Variants in ATG4C observed in about 807,000 individuals in gnomAD.
ATG4C encodes autophagy related 4C cysteine peptidase.
ATG4C carries 56 observed loss-of-function variants against 57.6 expected under a neutral mutation model. The observed-to-expected ratio is 0.97, with a 90% confidence interval of 0.78 to 1.21. The LOEUF is 1.21. Among genes scored for constraint, ATG4C ranks in the 50% most tolerant of loss-of-function variants. The probability of loss-of-function intolerance (pLI) is 0.00; values close to 1 mark genes in which losing one functional copy is unlikely to be tolerated. For missense variants in ATG4C, 595 were observed against 529.8 expected (o/e 1.12, Z -1.21); for synonymous variants, 157 against 174.1 (o/e 0.90, Z 0.78).
At chr1:62,851,178 T>C (rs1221704733) in intron 10 of ATG4C, among the ~76,000 whole-genome samples, 1 of 152,074 alleles carries the variant, frequency 6.6e-6, no homozygotes, top group South Asian at 2.1e-4. Context: ...ACTTCTTCTA[T>C]TTTCCTTAAA....
chr1:62,792,953 G>C (rs945922629), intron 1 of ATG4C, among the ~76,000 whole-genome samples: 3 of 150,572 alleles, frequency 2.0e-5, no homozygotes, highest in Admixed American at 6.6e-5. Context: ...GTGGCGCGAT[G>C]TCGGCTCACT....
At position 62,864,362 on chromosome 1, in the gene ATG4C, T is replaced by G; in HGVS notation, c.*203T>G. ...GAATCTTGCTTTCTAATAAATAAAT[T>G]GAGTGATTCTGGTTGCATTCCTATT... On this transcript the variant is annotated 3_prime_UTR_variant, in exon 11 of 11. Transcript: ENST00000317868. 2.4e-6 allele frequency: 1 copy of G among 421,256 alleles called. No individual in the cohort carries two copies. The highest frequency in any genetic ancestry group is 4.2e-6 in the Non-Finnish European group (1 of 239,350). The allele number at this position is 421,256 out of a possible 1,614,324, so 26.1% of individuals were successfully genotyped here.
At chr1:62,863,896 C>G in intron 10 of ATG4C, 96 bp from the exon 11 acceptor site, 1 of 842,520 alleles carries the variant, frequency 1.2e-6, no homozygotes, top group Non-Finnish European at 1.8e-6. Flanking sequence ...AAGAAGCTAA[C>G]AGGAGAGGTT....
chr1:62,806,148 G>A (rs1664872484), intron 3 of ATG4C, among the ~76,000 whole-genome samples: 1 of 152,128 alleles, frequency 6.6e-6, no homozygotes, highest in Non-Finnish European at 1.5e-5. Context: ...TAACTGTTGA[G>A]TCCTTACAAC....
intron 1 of ATG4C, among the ~76,000 whole-genome samples, chr1:62,803,318 A>G (rs17316337): frequency 0.089 from 13,613 of 152,244 alleles, 778 homozygotes; most frequent in Non-Finnish European, 0.12. Context: ...AAGATTTTTT[A>G]TAAGATTTCA....
intron 2 of ATG4C, 21 bp downstream of exon 2, chr1:62,803,883 A>T (rs1192390723): frequency 1.4e-6 from 2 of 1,420,404 alleles, no homozygotes; most frequent in Non-Finnish European, 1.9e-6. Context: ...TGTTTTAAAA[A>T]TTGTATAAAT....
At chr1:62,823,028 T>C (rs1357094881) in intron 6 of ATG4C, among the ~76,000 whole-genome samples, 2 of 152,044 alleles carry the variant, frequency 1.3e-5, no homozygotes, top group Non-Finnish European at 2.9e-5. Context: ...GGTGGTGACA[T>C]GCCTGTAGTC....
chr1:62,847,281 C>T lies in ATG4C; in HGVS notation c.1209+5734C>T, dbSNP rs201588582. ...CTGACATATCCTAAAGCATCTGGAACGGTGCTCAGCTCATAGTAAGTGTTC... is the reference window on the plus strand; with the variant it reads ...CTGACATATCCTAAAGCATCTGGAATGGTGCTCAGCTCATAGTAAGTGTTC... On this transcript the variant is annotated intron_variant, in intron 10 of 10. Coordinates refer to ENST00000317868, the MANE Select transcript of ATG4C (RefSeq NM_032852.4). Among the ~76,000 whole-genome samples, 18 of 152,266 alleles carry T rather than the reference C, an allele frequency of 1.2e-4. No individual in the cohort carries two copies. The South Asian group carries it at 3.1e-3, about 26-fold the overall frequency.
At chr1:62,809,952 A>G (rs1219575784) in intron 3 of ATG4C, among the ~76,000 whole-genome samples, 1 of 152,100 alleles carries the variant, frequency 6.6e-6, no homozygotes, top group African/African-American at 2.4e-5. Context: ...AGGAACTGAA[A>G]CACTGTTGGT....
chr1:62,844,199 C>T (rs1244974130), intron 10 of ATG4C, among the ~76,000 whole-genome samples: 5 of 152,136 alleles, frequency 3.3e-5, no homozygotes. Context: ...CTGGGAGTCT[C>T]CATTTCTGGC....
intron 1 of ATG4C, among the ~76,000 whole-genome samples, chr1:62,802,432 T>C (rs1170189572): frequency 1.3e-5 from 2 of 149,452 alleles, no homozygotes; most frequent in African/African-American, 4.9e-5. Context: ...GGATTAACGA[T>C]CCTCAACTAG....
Position 62,834,812 on chromosome 1 carries a change from A to C in ATG4C, c.1049A>C (p.Gln350Pro). Residue 350 changes from glutamine to proline, a missense_variant, in exon 9 of 11, where the codon CAA becomes CCA. Coordinates refer to ENST00000317868, the MANE Select transcript of ATG4C (RefSeq NM_032852.4). ...ATTTACATGGATCCTCATTACTGCC[A>C]ATCTTTTGTAGATGTCAGCATAAAG... ...SLIYMDPHYC[Q>P]SFVDVSIKDF... 3 of 1,612,368 alleles carry C rather than the reference A, an allele frequency of 1.9e-6. No individual in the cohort carries two copies. Among genetic ancestry groups the C allele is most frequent in the Non-Finnish European group, 2.5e-6 (3 of 1,178,852 alleles).
At chr1:62,842,549 G>T (rs1379224605) in intron 10 of ATG4C, among the ~76,000 whole-genome samples, 1 of 151,856 alleles carries the variant, frequency 6.6e-6, no homozygotes, top group Admixed American at 6.6e-5. Context: ...TTCTTCACTG[G>T]AACTTATATA....
intron 6 of ATG4C, among the ~76,000 whole-genome samples, chr1:62,823,882 T>C (rs146325266): frequency 4.5e-4 from 68 of 152,316 alleles, no homozygotes; most frequent in Non-Finnish European, 8.7e-4. Flanking sequence ...GTTATACCTT[T>C]GGCAGTCTTT....
rs1313376007 is a variant in ATG4C, at chr1:62,865,402, A to C, written c.*1243A>C. 1 of 151,936 alleles carries C rather than the reference A, an allele frequency of 6.6e-6. No individual in the cohort carries two copies. The highest frequency in any genetic ancestry group is 1.5e-5 in the Non-Finnish European group (1 of 67,846). The allele number at this position is 151,936 out of a possible 1,614,324, so 9.4% of individuals were successfully genotyped here. A position where few individuals can be genotyped will look rare whatever the true frequency, so the allele number is the denominator to read the frequency against. ...CCTGTTTGTTTAGAGTTGCATGTAA[A>C]GCTGAAAGAGAGGGTGGGCGGATTG... On this transcript the variant is annotated 3_prime_UTR_variant, in exon 11 of 11. Transcript: ENST00000317868.
At chr1:62,843,905 GGAAA>G (rs1405912034) in intron 10 of ATG4C, among the ~76,000 whole-genome samples, 11 of 152,108 alleles carry the variant, frequency 7.2e-5, no homozygotes, top group African/African-American at 2.4e-4. Context: ...AATTGATAGA[GGAAA>G]GAAGAGGGTT....
intron 6 of ATG4C, 112 bp downstream of exon 6, chr1:62,821,321 A>G: frequency 5.0e-6 from 3 of 597,126 alleles, no homozygotes; most frequent in Non-Finnish European, 7.9e-6. Context: ...ACCATGTCTT[A>G]TACATTTTTG....
chr1:62,841,499 C>T lies in ATG4C; in HGVS notation c.1161C>T (p.Tyr387=). The part of the protein sequence containing the change: ...KMDPSCTIGF[Y]CRNVQDFKRA... Reference sequence around the variant, plus strand: ...ATCCCAGCTGTACAATAGGATTTTACTGTCGAAATGTTCAGGACTTCAAAC... The same window carrying T: ...ATCCCAGCTGTACAATAGGATTTTATTGTCGAAATGTTCAGGACTTCAAAC... Residue 387 remains tyrosine (Y), a synonymous_variant, in exon 10 of 11, where the codon TAC becomes TAT. Coordinates refer to ENST00000317868, the MANE Select transcript of ATG4C (RefSeq NM_032852.4). 16 of 1,606,876 alleles carry T rather than the reference C, an allele frequency of 1.0e-5. 1 individual carries two copies. The highest frequency in any genetic ancestry group is 1.7e-5 in the Admixed American group (1 of 59,684).
intron 10 of ATG4C, among the ~76,000 whole-genome samples, chr1:62,850,901 T>TATATAC (rs1553230197): frequency 3.9e-5 from 2 of 51,580 alleles, no homozygotes; most frequent in African/African-American, 1.9e-4. Context: ...TATATATATA[T>TATATAC]ACATACACAT....
Sources: allele counts gnomAD v4.1 joint callset (sites outside exome capture counted in the v4.1 genomes callset), GRCh38; gene constraint gnomAD v4.1.1; transcripts MANE v1.5; gene names NCBI Gene and HGNC (gene_info 2026-07-23, HGNC 2026-07-21).